Variants in MYRIP observed in about 807,000 individuals in gnomAD.
MYRIP encodes myosin VIIA and Rab interacting protein.
A neutral mutation model predicts 98.0 loss-of-function variants in MYRIP; 49 were observed. The ratio of observed to expected loss-of-function variants is 0.50; its 90% CI spans 0.40 to 0.63. The LOEUF (loss-of-function observed/expected upper bound fraction) is 0.63. Among genes scored for constraint, MYRIP ranks in the 30% least tolerant of loss-of-function variants. The pLI is 0.00. For missense variants in MYRIP, 1,004 were observed against 1,058.2 expected (o/e 0.95, Z 0.71); for synonymous variants, 404 against 409.5 (o/e 0.99, Z 0.16).
intron 3 of MYRIP, among the ~76,000 whole-genome samples, chr3:40,089,952 A>G (rs1948710955): frequency 6.6e-6 from 1 of 151,984 alleles, no homozygotes; most frequent in Non-Finnish European, 1.5e-5. Flanking sequence ...TACACTGCAT[A>G]TACCTCTACT....
chr3:40,184,385 G>A (rs141984068), intron 9 of MYRIP, among the ~76,000 whole-genome samples: 4 of 152,300 alleles, frequency 2.6e-5, no homozygotes, highest in Admixed American at 1.3e-4. Context: ...GAGTCCATAT[G>A]TAGGCACTAT....
At position 40,251,809 on chromosome 3, in the gene MYRIP, ACCTTGTTTTTT is replaced by A; in HGVS notation, c.2429-67_2429-57del. 2.9e-6 allele frequency: 3 copies of A among 1,021,844 alleles called. No individual in the cohort carries two copies. In the South Asian group the frequency reaches 4.0e-5, roughly 14 times the overall value. The allele number at this position is 1,021,844 out of a possible 1,614,324, so 63.3% of individuals were successfully genotyped here. The stretch of plus-strand genomic sequence containing the variant: ...GAACAAAAGTCTGAGTAATCTGGCC[ACCTTGTTTTTT>A]CCTTAACAATCAATCAGTCCATCTT... On this transcript the variant is annotated intron_variant, in intron 15 of 16. Coordinates refer to ENST00000302541, the MANE Select transcript of MYRIP (RefSeq NM_015460.4).
At chr3:40,233,484 A>T (rs1952723167) in intron 11 of MYRIP, among the ~76,000 whole-genome samples, 1 of 152,142 alleles carries the variant, frequency 6.6e-6, no homozygotes, top group Non-Finnish European at 1.5e-5. Flanking sequence ...TACCCACTGG[A>T]CCACACTTCA....
chr3:39,890,718 T>G (rs1312740828), intron 1 of MYRIP, among the ~76,000 whole-genome samples: 1 of 151,966 alleles, frequency 6.6e-6, no homozygotes, highest in Non-Finnish European at 1.5e-5. Flanking sequence ...TTGTTTTGAT[T>G]TTTTATTTGA....
intron 3 of MYRIP, among the ~76,000 whole-genome samples, chr3:40,079,615 T>A (rs1460976862): frequency 6.6e-6 from 1 of 152,200 alleles, no homozygotes; most frequent in Non-Finnish European, 1.5e-5. Flanking sequence ...TTCCATGCAT[T>A]CCCTAGGTGC....
chr3:40,040,858 C>A (rs1575488485), intron 2 of MYRIP, among the ~76,000 whole-genome samples: 1 of 60,218 alleles, frequency 1.7e-5, no homozygotes, highest in Non-Finnish European at 3.7e-5. Context: ...GGAGGGATAG[C>A]ATTGGGAGAT....
chr3:39,983,691 G>T (rs752101868), intron 2 of MYRIP, among the ~76,000 whole-genome samples: 1 of 152,120 alleles, frequency 6.6e-6, no homozygotes, highest in African/African-American at 2.4e-5. Flanking sequence ...AACAAATGAA[G>T]AGATATACAA....
intron 2 of MYRIP, among the ~76,000 whole-genome samples, chr3:40,033,443 C>G (rs939417033): frequency 2.6e-5 from 4 of 151,998 alleles, no homozygotes; most frequent in African/African-American, 9.7e-5. Context: ...AACAGAGACC[C>G]AAATCATGAG....
chr3:40,204,235 A>AT (rs553006883), intron 10 of MYRIP, among the ~76,000 whole-genome samples: 3,082 of 26,786 alleles, frequency 0.12, 385 homozygotes, highest in South Asian at 0.18. Flanking sequence ...ATATATATAT[A>AT]TTTTTTTTTT....
intron 3 of MYRIP, among the ~76,000 whole-genome samples, chr3:40,103,014 C>G (rs1054611593): frequency 2.0e-5 from 3 of 151,732 alleles, no homozygotes; most frequent in African/African-American, 7.3e-5. Flanking sequence ...AAGCAGAAGA[C>G]TGAAAAGCAG....
intron 2 of MYRIP, among the ~76,000 whole-genome samples, chr3:39,961,127 C>G (rs1280073833): frequency 6.6e-6 from 1 of 152,068 alleles, no homozygotes; most frequent in Non-Finnish European, 1.5e-5. Context: ...GGAAGGAAAT[C>G]TAGTTTTAAA....
rs1471086989 is a variant in MYRIP, at chr3:40,259,061, A to G, written c.*895A>G. 1 of 144,598 alleles carries G rather than the reference A, an allele frequency of 6.9e-6. No homozygotes were observed. The highest frequency in any genetic ancestry group is 1.5e-5 in the Non-Finnish European group (1 of 67,954). 9.0% of individuals were successfully genotyped at this position (144,598 alleles called of 1,614,324 possible). ...ATCGCAGAGAAAAACCACATGAGAA[A>G]ATTTTTGTACTCCAAATTTACTTCC... On this transcript the variant is annotated 3_prime_UTR_variant, in exon 17 of 17. Transcript: ENST00000302541.
intron 3 of MYRIP, among the ~76,000 whole-genome samples, chr3:40,149,311 T>C (rs566090161): frequency 1.3e-5 from 2 of 152,152 alleles, no homozygotes; most frequent in Non-Finnish European, 2.9e-5. Flanking sequence ...AGTGAACTAA[T>C]AGAGTGAGAA....
At chr3:39,955,894 C>A (rs1441843628) in intron 2 of MYRIP, among the ~76,000 whole-genome samples, 2 of 152,060 alleles carry the variant, frequency 1.3e-5, no homozygotes, top group African/African-American at 4.8e-5. Context: ...TCTGATAAAA[C>A]AGATTTTAAA....
At chr3:40,139,365 A>G (rs1347774117) in intron 3 of MYRIP, among the ~76,000 whole-genome samples, 2 of 152,304 alleles carry the variant, frequency 1.3e-5, no homozygotes, top group African/African-American at 4.8e-5. Flanking sequence ...GATACAGAAC[A>G]TTTCCAACTT....
intron 2 of MYRIP, among the ~76,000 whole-genome samples, chr3:39,921,534 T>A (rs1260906658): frequency 6.6e-6 from 1 of 152,112 alleles, no homozygotes; most frequent in African/African-American, 2.4e-5. Context: ...TGTTACAAAA[T>A]TTGCACATAT....
intron 1 of MYRIP, among the ~76,000 whole-genome samples, chr3:39,875,425 G>T (rs536708985): frequency 1.3e-5 from 2 of 151,260 alleles, no homozygotes; most frequent in Non-Finnish European, 2.9e-5. Flanking sequence ...TCTTTTAATT[G>T]TGATGTTAGG....
intron 1 of MYRIP, among the ~76,000 whole-genome samples, chr3:39,882,648 C>G (rs936689032): frequency 6.6e-6 from 1 of 152,104 alleles, no homozygotes; most frequent in Non-Finnish European, 1.5e-5. Flanking sequence ...TACTTTCTCA[C>G]AGCTTAAATT....
At chr3:39,814,372 AT>A (rs1435951311) in intron 1 of MYRIP, among the ~76,000 whole-genome samples, 1 of 152,118 alleles carries the variant, frequency 6.6e-6, no homozygotes, top group African/African-American at 2.4e-5. Flanking sequence ...TTTTTAATAT[AT>A]AGTTTTAATA....
Sources: gnomAD v4.1 joint callset for allele counts (sites outside exome capture counted in the v4.1 genomes callset) on GRCh38, gnomAD v4.1.1 for gene constraint, MANE v1.5 for transcripts, NCBI Gene and HGNC (gene_info 2026-07-23, HGNC 2026-07-21) for gene names.